Variants in C1orf21 observed in about 807,000 individuals in gnomAD.
The protein encoded by C1orf21 is chromosome 1 open reading frame 21.
Under a neutral mutation model 18.7 loss-of-function variants are expected in C1orf21, and 3 were observed. That is an observed-to-expected ratio of 0.16 (90% CI 0.07 to 0.42). The LOEUF (loss-of-function observed/expected upper bound fraction) is 0.42. C1orf21 is among the 10% of genes least tolerant of loss of function. The probability of loss-of-function intolerance (pLI) is 0.99; values close to 1 mark genes in which losing one functional copy is unlikely to be tolerated. For missense variants in C1orf21, 104 were observed against 143.6 expected, an observed-to-expected ratio of 0.72 and a Z score of 1.41; for synonymous variants, 41 against 46.4, an observed-to-expected ratio of 0.88 and a Z score of 0.47.
intron 2 of C1orf21, among the ~76,000 whole-genome samples, chr1:184,479,747 G>A (rs896864908): frequency 6.7e-5 from 10 of 150,244 alleles, no homozygotes; most frequent in African/African-American, 2.5e-4. Context: ...AGCTCCCTGA[G>A]TAGCTTTGGG....
chr1:184,570,516 C>G (rs1659093744), intron 3 of C1orf21, among the ~76,000 whole-genome samples: 1 of 152,146 alleles, frequency 6.6e-6, no homozygotes, highest in Non-Finnish European at 1.5e-5. Context: ...TCACTGAAGT[C>G]TAACCAAACT....
chr1:184,465,658 G>A (rs1038504864), intron 1 of C1orf21, among the ~76,000 whole-genome samples: 3 of 152,110 alleles, frequency 2.0e-5, no homozygotes, highest in Admixed American at 1.3e-4. Context: ...TACCTTTGTC[G>A]TATGCAGGAA....
rs764592177 is a variant in C1orf21, at chr1:184,574,582, CT to C, written c.190-16148del. 3.9e-5 allele frequency among the ~76,000 whole-genome samples: 6 copies of C among 151,924 alleles called. No homozygotes were observed. In the South Asian group the frequency reaches 6.2e-4, roughly 16 times the overall value. On this transcript the variant is annotated intron_variant, in intron 3 of 5. Transcript: ENST00000235307. ...TAAAGCTCCTAATCATGTTCTTTAA[CT>C]TTTTTTTTCTTTGCCTTTTACTCAA...
In C1orf21 at chr1:184,619,631, G is replaced by C. The variant is rs1455109360; in HGVS notation, c.*75G>C. ...CACCCCAGTTGAAATCTTTGCAAAG[G>C]TCGGTTCTATTCAGCGAACAGCACT... On this transcript the variant is annotated 3_prime_UTR_variant, in exon 6 of 6. Coordinates refer to ENST00000235307, the MANE Select transcript of C1orf21 (RefSeq NM_030806.4). 2 of 1,450,552 alleles carry C rather than the reference G, an allele frequency of 1.4e-6. No individual in the cohort carries two copies. Among genetic ancestry groups the C allele is most frequent in the Non-Finnish European group, 1.9e-6 (2 of 1,046,080 alleles). The allele number at this position is 1,450,552 out of a possible 1,614,324, so 89.9% of individuals were successfully genotyped here. A position where few individuals can be genotyped will look rare whatever the true frequency, so the allele number is the denominator to read the frequency against.
intron 1 of C1orf21, among the ~76,000 whole-genome samples, chr1:184,463,138 C>A (rs143551032): frequency 6.6e-6 from 1 of 150,494 alleles, no homozygotes; most frequent in Non-Finnish European, 1.5e-5. Flanking sequence ...CATGTGCAGG[C>A]AGTTGTTGGT....
chr1:184,490,071 C>T (rs1291756748), intron 2 of C1orf21, among the ~76,000 whole-genome samples: 1 of 152,132 alleles, frequency 6.6e-6, no homozygotes, highest in Non-Finnish European at 1.5e-5. Context: ...GGAAATAGCC[C>T]CAGGGCAACA....
intron 3 of C1orf21, among the ~76,000 whole-genome samples, chr1:184,587,723 C>T (rs1320562475): frequency 6.9e-6 from 1 of 144,936 alleles, no homozygotes; most frequent in Non-Finnish European, 1.5e-5. Flanking sequence ...ATGATCGATT[C>T]TCCTGCCTTA....
In C1orf21 at chr1:184,499,339, A is replaced by G. The variant is rs761990651; in HGVS notation, c.95-8249A>G. ...GCATTAATTACCATATATTGGAGAA[A>G]AACTTCAGTTTTCTCCTTTTAGATG... On this transcript the variant is annotated intron_variant, in intron 2 of 5. Coordinates refer to ENST00000235307, the MANE Select transcript of C1orf21 (RefSeq NM_030806.4). 5.2e-4 allele frequency among the ~76,000 whole-genome samples: 79 copies of G among 152,196 alleles called. 1 individual carries two copies. Among genetic ancestry groups the G allele is most frequent in the Non-Finnish European group, 9.7e-4 (66 of 68,036 alleles).
At chr1:184,422,196 G>A (rs893483240) in intron 1 of C1orf21, among the ~76,000 whole-genome samples, 1 of 152,162 alleles carries the variant, frequency 6.6e-6, no homozygotes, top group African/African-American at 2.4e-5. Flanking sequence ...GGATGTTCCC[G>A]TTGCTGATCC....
intron 3 of C1orf21, among the ~76,000 whole-genome samples, chr1:184,551,076 A>G (rs966124142): frequency 1.3e-4 from 20 of 152,250 alleles, no homozygotes; most frequent in African/African-American, 3.9e-4. Context: ...TAGGAATCAC[A>G]TAGAACAGAA....
intron 5 of C1orf21, among the ~76,000 whole-genome samples, chr1:184,619,171 T>C (rs1360651811): frequency 6.6e-6 from 1 of 152,218 alleles, no homozygotes; most frequent in Non-Finnish European, 1.5e-5. Context: ...ATGTGGCTTG[T>C]TCATTCTTCC....
At chr1:184,477,921 A>G (rs1291303699) in intron 2 of C1orf21, among the ~76,000 whole-genome samples, 1 of 152,214 alleles carries the variant, frequency 6.6e-6, no homozygotes, top group Non-Finnish European at 1.5e-5. Context: ...GTGACAGTGA[A>G]TAATTACAGT....
chr1:184,520,871 C>A (rs1468876530), intron 3 of C1orf21, among the ~76,000 whole-genome samples: 2 of 152,066 alleles, frequency 1.3e-5, no homozygotes, highest in Non-Finnish European at 2.9e-5. Flanking sequence ...TGTTTTTATG[C>A]CTAATATAAA....
intron 3 of C1orf21, among the ~76,000 whole-genome samples, chr1:184,516,946 G>A (rs1658239321): frequency 6.6e-6 from 1 of 152,208 alleles, no homozygotes; most frequent in Admixed American, 6.5e-5. Flanking sequence ...GGTGAAAACT[G>A]GGAAGTGGCC....
At chr1:184,434,487 A>G (rs1035560781) in intron 1 of C1orf21, among the ~76,000 whole-genome samples, 5 of 152,202 alleles carry the variant, frequency 3.3e-5, no homozygotes, top group Non-Finnish European at 4.4e-5. Context: ...CAGAGACTCT[A>G]TCCTTTAGGA....
chr1:184,484,919 T>C (rs1657711840), intron 2 of C1orf21, among the ~76,000 whole-genome samples: 1 of 147,446 alleles, frequency 6.8e-6, no homozygotes. Context: ...TGTGTGTGTG[T>C]GTGATGGTGT....
At position 184,533,424 on chromosome 1, in the gene C1orf21, T is replaced by C. The variant is rs114975374; in HGVS notation, c.189+25742T>C. Among the ~76,000 whole-genome samples the C allele has an allele frequency of 1.0e-2, 1,516 of 152,278 alleles. 25 individuals carry two copies. The highest frequency in any genetic ancestry group is 0.033 in the African/African-American group (1,361 of 41,542). On this transcript the variant is annotated intron_variant, in intron 3 of 5. Transcript: ENST00000235307. ...GCAGGTCATAAGTGCTGGATAAATA[T>C]TTGCAGGATGAATGAATGAATGACT... is the stretch of plus-strand genomic sequence containing the variant.
chr1:184,456,371 T>G (rs1182838723), intron 1 of C1orf21, among the ~76,000 whole-genome samples: 2 of 150,864 alleles, frequency 1.3e-5, no homozygotes. Flanking sequence ...TGCTGTGGGT[T>G]GTCAGGTTGA....
intron 4 of C1orf21, among the ~76,000 whole-genome samples, chr1:184,596,407 C>T (rs948480005): frequency 6.6e-6 from 1 of 152,126 alleles, no homozygotes; most frequent in African/African-American, 2.4e-5. Flanking sequence ...TTTGGCCCTC[C>T]TGCTATATTC....
Sources: allele counts gnomAD v4.1 joint callset (sites outside exome capture counted in the v4.1 genomes callset), GRCh38; gene constraint gnomAD v4.1.1; transcripts MANE v1.5; gene names NCBI Gene and HGNC (gene_info 2026-07-23, HGNC 2026-07-21).